The following LRRC4C variants were observed in gnomAD, a reference collection of about 807,000 sequenced individuals.
The protein encoded by LRRC4C is leucine rich repeat containing 4C.
LRRC4C carries 5 observed loss-of-function variants against 33.6 expected under a neutral mutation model. That is an observed-to-expected ratio of 0.15 (90% confidence interval 0.08 to 0.31). The LOEUF (loss-of-function observed/expected upper bound fraction) is 0.31, where lower values mean the gene tolerates loss of function less well. Ranked by LOEUF, LRRC4C falls within the 10% of genes least tolerant of loss-of-function variation. LRRC4C has a pLI of 1.00. For synonymous variants in LRRC4C, 329 were observed against 302.0 expected (o/e 1.09, Z -0.93); for missense variants, 560 against 796.7 (o/e 0.70, Z 3.58).
At chr11:40,555,680 C>A (rs114942731) in intron 3 of LRRC4C, among the ~76,000 whole-genome samples, 2 of 152,080 alleles carry the variant, frequency 1.3e-5, no homozygotes, top group Non-Finnish European at 2.9e-5. Context: ...CTAACACTAA[C>A]GATAGCTGAT....
intron 2 of LRRC4C, among the ~76,000 whole-genome samples, chr11:40,856,980 G>A (rs1345371885): frequency 6.6e-6 from 1 of 152,162 alleles, no homozygotes; most frequent in Non-Finnish European, 1.5e-5. Flanking sequence ...AATTGGAGAA[G>A]TCTAACTAAA....
chr11:41,027,317 T>C (rs572332003), intron 1 of LRRC4C, among the ~76,000 whole-genome samples: 27 of 151,678 alleles, frequency 1.8e-4, no homozygotes, highest in Non-Finnish European at 2.8e-4. Context: ...GGAGGGTACT[T>C]GACCTTGGGA....
intron 3 of LRRC4C, among the ~76,000 whole-genome samples, chr11:40,339,468 A>G (rs182170342): frequency 1.3e-5 from 2 of 152,346 alleles, no homozygotes; most frequent in East Asian, 3.9e-4. Context: ...GAGATTTAAA[A>G]TGTGCACTAT....
chr11:41,243,414 T>A (rs1948329800), intron 1 of LRRC4C, among the ~76,000 whole-genome samples: 1 of 152,228 alleles, frequency 6.6e-6, no homozygotes, highest in South Asian at 2.1e-4. Context: ...GTATGCTTGC[T>A]ATCTGTGGCA....
intron 2 of LRRC4C, among the ~76,000 whole-genome samples, chr11:40,743,928 C>T (rs1948288496): frequency 6.6e-6 from 1 of 152,098 alleles, no homozygotes; most frequent in African/African-American, 2.4e-5. Context: ...GCTCATCCAA[C>T]ACAGCTTTGC....
intron 1 of LRRC4C, among the ~76,000 whole-genome samples, chr11:41,389,739 C>A (rs1348244929): frequency 2.0e-5 from 3 of 151,110 alleles, no homozygotes; most frequent in Non-Finnish European, 4.4e-5. Flanking sequence ...GACTGCTGGC[C>A]AGTGATCGGG....
At chr11:40,588,371 T>C (rs1230399496) in intron 3 of LRRC4C, among the ~76,000 whole-genome samples, 1 of 152,216 alleles carries the variant, frequency 6.6e-6, no homozygotes, top group Non-Finnish European at 1.5e-5. Context: ...CTCTCTTTTT[T>C]TCTTTATTAG....
intron 2 of LRRC4C, among the ~76,000 whole-genome samples, chr11:40,871,893 A>C (rs1269946727): frequency 6.6e-6 from 1 of 152,014 alleles, no homozygotes; most frequent in East Asian, 1.9e-4. Flanking sequence ...AAATCTTTGA[A>C]CTTGTGTCCT....
intron 1 of LRRC4C, among the ~76,000 whole-genome samples, chr11:41,377,869 T>C (rs1297907234): frequency 6.6e-6 from 1 of 152,120 alleles, no homozygotes; most frequent in African/African-American, 2.4e-5. Flanking sequence ...TTTTTCTCAT[T>C]GGAGAGCACC....
chr11:40,988,913 G>T (rs890120895), intron 1 of LRRC4C, among the ~76,000 whole-genome samples: 80 of 151,622 alleles, frequency 5.3e-4, no homozygotes, highest in Non-Finnish European at 9.9e-4. Context: ...GTAGAGACGG[G>T]GTTTCACCGT....
intron 1 of LRRC4C, among the ~76,000 whole-genome samples, chr11:40,984,394 A>AGAAG (rs1467313440): frequency 1.1e-5 from 1 of 88,490 alleles, no homozygotes; most frequent in Non-Finnish European, 3.0e-5. Flanking sequence ...AAAGAAAGAA[A>AGAAG]GAAAGAAAGA....
At chr11:40,680,990 T>C (rs1328809640) in intron 2 of LRRC4C, among the ~76,000 whole-genome samples, 1 of 152,212 alleles carries the variant, frequency 6.6e-6, no homozygotes, top group Non-Finnish European at 1.5e-5. Context: ...AGCTAGTGGC[T>C]ACATTATTGG....
intron 2 of LRRC4C, among the ~76,000 whole-genome samples, chr11:40,659,514 G>T (rs186395679): frequency 2.0e-5 from 3 of 152,228 alleles, no homozygotes; most frequent in Admixed American, 2.0e-4. Context: ...GGTTGCCCAT[G>T]GACCAATCAG....
chr11:40,405,703 T>C (rs1226312757), intron 3 of LRRC4C, among the ~76,000 whole-genome samples: 2 of 148,668 alleles, frequency 1.3e-5, no homozygotes, highest in Admixed American at 6.7e-5. Flanking sequence ...CAATTTCTTT[T>C]TGAGGAACTT....
chr11:40,519,227 C>T (rs1955702684), intron 3 of LRRC4C, among the ~76,000 whole-genome samples: 1 of 151,854 alleles, frequency 6.6e-6, no homozygotes. Flanking sequence ...TACCCCAGAA[C>T]TTAAAGTATA....
In LRRC4C at chr11:40,319,682, T is replaced by G. The variant is rs2136838395; in HGVS notation, c.-230A>C. 1 of 152,290 alleles carries G rather than the reference T, an allele frequency of 6.6e-6. No individual in the cohort carries two copies. Among genetic ancestry groups the G allele is most frequent in the Admixed American group, 6.5e-5 (1 of 15,290 alleles). The allele number at this position is 152,290 out of a possible 1,614,324, so 9.4% of individuals were successfully genotyped here. ...TCTTCCTGAGAAAACTCAAAGAAGTTTAATAAGTGCTCTGGATTTCTGCAG... is the reference window on the plus strand; with the variant it reads ...TCTTCCTGAGAAAACTCAAAGAAGTGTAATAAGTGCTCTGGATTTCTGCAG... On this transcript the variant is annotated 5_prime_UTR_variant, in exon 4 of 7. Transcript: ENST00000528697.
chr11:41,368,772 T>C (rs77378594), intron 1 of LRRC4C, among the ~76,000 whole-genome samples: 108 of 152,300 alleles, frequency 7.1e-4, no homozygotes, highest in African/African-American at 2.5e-3. Flanking sequence ...TGCTACTGGG[T>C]CATAAAGCTC....
At chr11:40,520,481 A>G (rs576573765) in intron 3 of LRRC4C, among the ~76,000 whole-genome samples, 1 of 152,276 alleles carries the variant, frequency 6.6e-6, no homozygotes, top group African/African-American at 2.4e-5. Flanking sequence ...ATTTCAGAAA[A>G]TAGTGGGGCC....
At chr11:41,114,485 C>G (rs12273219) in intron 1 of LRRC4C, among the ~76,000 whole-genome samples, 31,411 of 151,928 alleles carry the variant, frequency 0.21, 3,897 homozygotes, top group East Asian at 0.33. Flanking sequence ...TATACCTGCT[C>G]AATCTCAAAA....
Sources: gnomAD v4.1 joint callset for allele counts (sites outside exome capture counted in the v4.1 genomes callset) on GRCh38, gnomAD v4.1.1 for gene constraint, MANE v1.5 for transcripts, NCBI Gene and HGNC (gene_info 2026-07-23, HGNC 2026-07-21) for gene names.